The following NRXN3 variants were observed in gnomAD, a reference collection of about 807,000 sequenced individuals.
NRXN3 encodes neurexin III.
In NRXN3, 32 loss-of-function variants were observed where a neutral mutation model predicts 137.6. That is an observed-to-expected ratio of 0.23 (90% confidence interval 0.18 to 0.31). The LOEUF is 0.31. Among genes scored for constraint, NRXN3 ranks in the 10% least tolerant of loss-of-function variants. The pLI is 1.00. For missense variants in NRXN3, 1,574 were observed against 2,062.5 expected (o/e 0.76, Z 4.59); for synonymous variants, 798 against 784.5 (o/e 1.02, Z -0.29).
At chr14:79,142,066 C>T (rs981077006) in intron 15 of NRXN3, among the ~76,000 whole-genome samples, 4 of 152,144 alleles carry the variant, frequency 2.6e-5, no homozygotes, top group South Asian at 2.1e-4. Context: ...GGGGGGTTCA[C>T]GGAAAGCCCC....
At chr14:79,453,882 G>T (rs1268829784) in intron 15 of NRXN3, among the ~76,000 whole-genome samples, 18 of 152,128 alleles carry the variant, frequency 1.2e-4, no homozygotes, top group Admixed American at 1.2e-3. Context: ...CATGCTCACT[G>T]ATCCAATTCC....
intron 1 of NRXN3, among the ~76,000 whole-genome samples, chr14:78,178,645 G>A (rs1040036181): frequency 1.3e-5 from 2 of 152,160 alleles, no homozygotes; most frequent in Non-Finnish European, 2.9e-5. Context: ...TTCAGTGAAA[G>A]GACAATTATC....
intron 4 of NRXN3, among the ~76,000 whole-genome samples, chr14:78,487,844 A>AT (rs747661668): frequency 3.6e-4 from 55 of 151,944 alleles, no homozygotes; most frequent in Admixed American, 5.9e-4. Flanking sequence ...CATGGAATAT[A>AT]TTTTTTTTCA....
chr14:79,702,986 ATT>A (rs975076782), intron 19 of NRXN3, among the ~76,000 whole-genome samples: 1 of 151,634 alleles, frequency 6.6e-6, no homozygotes, highest in Admixed American at 6.6e-5. Context: ...TTTATAAACT[ATT>A]TGCAGGATAC....
At chr14:79,397,252 C>T (rs1188957927) in intron 15 of NRXN3, among the ~76,000 whole-genome samples, 2 of 152,062 alleles carry the variant, frequency 1.3e-5, no homozygotes, top group Non-Finnish European at 2.9e-5. Flanking sequence ...GTGAATGGAC[C>T]ATTTCCTCCT....
In NRXN3 at chr14:79,861,412, C is replaced by T; in HGVS notation, c.4164C>T (p.Asp1388=). ...ATGCGCCCAAGTGGGAATCCAAGGA[C>T]TTTAGACCTAACAAAGTCTCCGAAA... The part of the protein sequence containing the change: ...KAHAPKWESK[D]FRPNKVSETS... Residue 1388 remains aspartate, a synonymous_variant, in exon 21 of 21, where the codon GAC becomes GAT. Transcript: ENST00000335750. This position sits in a 1 kb window ranked among gnomAD's most constrained non-coding sequence, Gnocchi z 5.4. 2.0e-6 allele frequency: 3 copies of T among 1,536,298 alleles called. No individual in the cohort carries two copies. The highest frequency in any genetic ancestry group is 2.6e-6 in the Non-Finnish European group (3 of 1,146,950).
chr14:79,017,307 T>G (rs960611341), intron 15 of NRXN3, among the ~76,000 whole-genome samples: 1 of 151,858 alleles, frequency 6.6e-6, no homozygotes, highest in Non-Finnish European at 1.5e-5. Context: ...TTCATGATGC[T>G]GTGGGGTTAC....
chr14:78,376,483 T>A (rs900459764), intron 4 of NRXN3, among the ~76,000 whole-genome samples: 2 of 152,194 alleles, frequency 1.3e-5, no homozygotes, highest in Non-Finnish European at 2.9e-5. Flanking sequence ...GTTCCATCCT[T>A]AAGTACAATT....
At chr14:79,713,863 G>A (rs2098814670) in intron 19 of NRXN3, among the ~76,000 whole-genome samples, 1 of 151,476 alleles carries the variant, frequency 6.6e-6, no homozygotes, top group Admixed American at 6.6e-5. Flanking sequence ...TCATTCCTCT[G>A]CTTCACACCA....
intron 19 of NRXN3, among the ~76,000 whole-genome samples, chr14:79,762,501 TA>T (rs2099042138): frequency 6.6e-6 from 1 of 151,576 alleles, no homozygotes; most frequent in Non-Finnish European, 1.5e-5. Context: ...TTTTTTTTCT[TA>T]AAAGGTAAAA....
chr14:78,198,655 A>T (rs1485994494), intron 1 of NRXN3, among the ~76,000 whole-genome samples: 1 of 152,210 alleles, frequency 6.6e-6, no homozygotes, highest in Non-Finnish European at 1.5e-5. Flanking sequence ...TATGCACAAC[A>T]ATCTCTTATC....
At chr14:78,889,895 G>A (rs1390100401) in intron 10 of NRXN3, among the ~76,000 whole-genome samples, 2 of 152,000 alleles carry the variant, frequency 1.3e-5, no homozygotes, top group African/African-American at 4.8e-5. Flanking sequence ...TTGTACAGGT[G>A]GGCCCTAAAT....
chr14:79,459,268 C>T (rs1478518291), intron 15 of NRXN3, among the ~76,000 whole-genome samples: 2 of 152,002 alleles, frequency 1.3e-5, no homozygotes, highest in South Asian at 2.1e-4. Context: ...AGTCATAACC[C>T]TCAGTATCTC....
chr14:79,744,251 A>G (rs772506085), intron 19 of NRXN3, among the ~76,000 whole-genome samples: 71 of 152,320 alleles, frequency 4.7e-4, no homozygotes, highest in South Asian at 8.3e-4. Context: ...TGTTATGATC[A>G]ATTTCTGCCT....
rs544544386 is a variant in NRXN3, at chr14:78,300,162, T to C, written c.757+2302T>C. ...CAATTTATTTTTGTGCCCATAAATA[T>C]GTGTGGAAATATGTATGTATGTTGT... On this transcript the variant is annotated intron_variant, in intron 4 of 20. Coordinates refer to ENST00000335750, the MANE Select transcript of NRXN3 (RefSeq NM_001330195.2). Among the ~76,000 whole-genome samples, 3 of 152,332 alleles carry C rather than the reference T, an allele frequency of 2.0e-5. No homozygotes were observed. In the South Asian group the frequency reaches 6.2e-4, roughly 32 times the overall value.
intron 15 of NRXN3, among the ~76,000 whole-genome samples, chr14:79,068,313 T>C (rs1176658307): frequency 2.0e-5 from 3 of 152,050 alleles, no homozygotes; most frequent in Non-Finnish European, 4.4e-5. Context: ...AGTATAACTT[T>C]CTCAATTACT....
intron 16 of NRXN3, among the ~76,000 whole-genome samples, chr14:79,612,664 C>T (rs1002128468): frequency 6.6e-6 from 1 of 152,090 alleles, no homozygotes; most frequent in Admixed American, 6.6e-5. Context: ...TCCTGGGCAA[C>T]ACAGTGAGGC....
intron 4 of NRXN3, chr14:78,300,701 A>C: frequency 4.6e-6 from 7 of 1,518,272 alleles, no homozygotes; most frequent in Non-Finnish European, 6.2e-6. Context: ...GGTAGAGCTC[A>C]CTTTATTTTT....
chr14:79,023,036 G>C (rs2099592199), intron 15 of NRXN3, among the ~76,000 whole-genome samples: 1 of 151,694 alleles, frequency 6.6e-6, no homozygotes, highest in Admixed American at 6.6e-5. Context: ...CTCCTGCTAA[G>C]CACTTTGGTT....
Sources: gnomAD v4.1 joint callset for allele counts (sites outside exome capture counted in the v4.1 genomes callset) on GRCh38, gnomAD v4.1.1 for gene constraint, Gnocchi (gnomAD v3.1) non-coding constraint, MANE v1.5 for transcripts, NCBI Gene and HGNC (gene_info 2026-07-23, HGNC 2026-07-21) for gene names.